Variants in SGK1 observed in about 807,000 individuals in gnomAD.
The protein encoded by SGK1 is serum/glucocorticoid regulated kinase 1.
Under a neutral mutation model 64.2 loss-of-function variants are expected in SGK1, and 26 were observed. The observed-to-expected ratio is 0.40, with a 90% CI of 0.30 to 0.56. SGK1 has a LOEUF of 0.56. Among genes scored for constraint, SGK1 ranks in the 20% least tolerant of loss-of-function variants. The pLI is 0.38. For missense variants in SGK1, 519 were observed against 645.6 expected (o/e 0.80, Z 2.12); for synonymous variants, 265 against 239.7 (o/e 1.11, Z -0.98).
chr6:134,274,056 T>A (rs1776982779), intron 1 of SGK1, among the ~76,000 whole-genome samples: 2 of 151,992 alleles, frequency 1.3e-5, no homozygotes, highest in African/African-American at 4.8e-5. Context: ...CAGGCTGGAG[T>A]GCAGTGGTGC....
chr6:134,172,454 T>C, intron 9 of SGK1, 138 bp from the exon 10 acceptor site: 1 of 895,344 alleles, frequency 1.1e-6, no homozygotes. Flanking sequence ...AGGGAGCCCT[T>C]GTTCTGCTCA....
At chr6:134,223,045 T>C (rs534835804) in intron 2 of SGK1, among the ~76,000 whole-genome samples, 1 of 152,264 alleles carries the variant, frequency 6.6e-6, no homozygotes, top group East Asian at 1.9e-4. Flanking sequence ...AACCCAAATA[T>C]AGCTATTTTA....
intron 3 of SGK1, among the ~76,000 whole-genome samples, chr6:134,182,365 G>T (rs1411836640): frequency 6.6e-6 from 1 of 151,744 alleles, no homozygotes; most frequent in African/African-American, 2.4e-5. Context: ...AGGCCAACAT[G>T]GTGAAACCCC....
intron 3 of SGK1, among the ~76,000 whole-genome samples, chr6:134,191,835 A>ATGTTTTTTTTTTTT (rs1775516536): frequency 8.2e-5 from 5 of 61,202 alleles, no homozygotes; most frequent in Non-Finnish European, 1.2e-4. Context: ...CGCCCGGCTG[A>ATGTTTTTTTTTTTT]TTTTTTTTTT....
At chr6:134,173,759 C>G in intron 5 of SGK1, 193 bp from the exon 6 acceptor site, 1 of 591,366 alleles carries the variant, frequency 1.7e-6, no homozygotes, top group Non-Finnish European at 2.9e-6. Context: ...TTGTTTCAGA[C>G]AGATAAAACC....
At position 134,210,607 on chromosome 6, in the gene SGK1, C is replaced by T. The variant is rs1158322658; in HGVS notation, c.286-3176G>A. Among the ~76,000 whole-genome samples, 10 of 151,626 alleles carry T rather than the reference C, an allele frequency of 6.6e-5. No individual in the cohort carries two copies. The South Asian group carries it at 1.0e-3, about 16-fold the overall frequency. On this transcript the variant is annotated intron_variant, in intron 2 of 13. Transcript: ENST00000367858. ...TTGGGAGGCCGAGGCGGGTGGATCACGAGGTCAGGAGTTCGAGACCAGCCT... is the reference window on the plus strand; with the variant it reads ...TTGGGAGGCCGAGGCGGGTGGATCATGAGGTCAGGAGTTCGAGACCAGCCT...
At chr6:134,268,946 GAA>G (rs60194315) in intron 1 of SGK1, among the ~76,000 whole-genome samples, 1,135 of 103,618 alleles carry the variant, frequency 0.011, 45 homozygotes, top group African/African-American at 0.032. Flanking sequence ...TCTTTACTTG[GAA>G]AAAAAAAAAA....
At chr6:134,174,960 C>T in intron 3 of SGK1, 1 of 1,396,552 alleles carries the variant, frequency 7.2e-7, no homozygotes, top group Non-Finnish European at 9.4e-7. Context: ...CGCCTCGCCC[C>T]TCGCCCCGCC....
chr6:134,171,182 AAAG>A lies in SGK1; in HGVS notation c.1168-7_1168-5del, dbSNP rs1330679760. ...TGTTTCGGCTATAAAAAGGCGGCTG[AAAG>A]AAGGGGAAAATTACTTTAGACTTAA... On this transcript the variant is annotated splice_region_variant and splice_polypyrimidine_tract_variant and intron_variant, in intron 11 of 13. Coordinates refer to ENST00000367858, the MANE Select transcript of SGK1 (RefSeq NM_001143676.3). The A allele has an allele frequency of 2.5e-6, 4 of 1,613,954 alleles. No individual in the cohort carries two copies. Among genetic ancestry groups the A allele is most frequent in the Non-Finnish European group, 2.5e-6 (3 of 1,179,880 alleles).
At chr6:134,269,878 T>G (rs546534035) in intron 1 of SGK1, among the ~76,000 whole-genome samples, 1 of 147,800 alleles carries the variant, frequency 6.8e-6, no homozygotes, top group Non-Finnish European at 1.5e-5. Flanking sequence ...ATCAGATATC[T>G]TCACCCCAGC....
chr6:134,206,357 A>T (rs1775772627), intron 3 of SGK1, among the ~76,000 whole-genome samples: 2 of 5,712 alleles, frequency 3.5e-4, no homozygotes, highest in African/African-American at 8.7e-4. Context: ...ATATATATAT[A>T]TATATATATA....
chr6:134,188,086 GA>G (rs1267630225), intron 3 of SGK1, among the ~76,000 whole-genome samples: 1 of 152,192 alleles, frequency 6.6e-6, no homozygotes, highest in African/African-American at 2.4e-5. Flanking sequence ...GAGCTCACTG[GA>G]TGCAAGAGTA....
chr6:134,259,376 A>G (rs920785777), intron 2 of SGK1, among the ~76,000 whole-genome samples: 25 of 152,184 alleles, frequency 1.6e-4, no homozygotes, highest in African/African-American at 6.0e-4. Context: ...GCAGTGGCTC[A>G]GGCCTGTAAT....
chr6:134,314,622 TAGTC>T (rs1187254896), intron 1 of SGK1, among the ~76,000 whole-genome samples: 1 of 152,212 alleles, frequency 6.6e-6, no homozygotes, highest in Non-Finnish European at 1.5e-5. Flanking sequence ...ACCCAGAACA[TAGTC>T]AGCTCTAATA....
At chr6:134,211,288 A>AT (rs571725808) in intron 2 of SGK1, among the ~76,000 whole-genome samples, 11 of 151,660 alleles carry the variant, frequency 7.3e-5, no homozygotes, top group South Asian at 2.1e-4. Context: ...TATAAGTGGA[A>AT]TTTTTTTTTG....
chr6:134,219,253 C>G (rs1317664135), intron 2 of SGK1, among the ~76,000 whole-genome samples: 1 of 151,900 alleles, frequency 6.6e-6, no homozygotes, highest in Non-Finnish European at 1.5e-5. Flanking sequence ...TTCAAGTGAT[C>G]CACCCGCCTT....
intron 1 of SGK1, among the ~76,000 whole-genome samples, chr6:134,289,951 C>T (rs1233561129): frequency 1.3e-5 from 2 of 151,846 alleles, no homozygotes; most frequent in Non-Finnish European, 2.9e-5. Flanking sequence ...GAGTTCAAGA[C>T]CAGCCTTACC....
chr6:134,255,017 C>T (rs1457787299), intron 2 of SGK1, among the ~76,000 whole-genome samples: 6 of 152,078 alleles, frequency 3.9e-5, no homozygotes, highest in Non-Finnish European at 5.9e-5. Flanking sequence ...TGCAGGCATG[C>T]GCCACCACGC....
intron 3 of SGK1, among the ~76,000 whole-genome samples, chr6:134,201,755 G>C (rs1433820150): frequency 2.6e-5 from 4 of 152,164 alleles, no homozygotes; most frequent in Non-Finnish European, 5.9e-5. Context: ...CATGGCCTTT[G>C]TAAAGAATCC....
Sources: allele counts gnomAD v4.1 joint callset (sites outside exome capture counted in the v4.1 genomes callset), GRCh38; gene constraint gnomAD v4.1.1; transcripts MANE v1.5; gene names NCBI Gene and HGNC (gene_info 2026-07-23, HGNC 2026-07-21).